Variants in PLA2G5 observed in about 807,000 individuals in gnomAD.
The protein encoded by PLA2G5 is phospholipase A2 group V, also known as Ca2+-dependent phospholipase A2.
Under a neutral mutation model 15.9 loss-of-function variants are expected in PLA2G5, and 12 were observed. That is an observed-to-expected ratio of 0.76 (90% CI 0.48 to 1.23). PLA2G5 has a LOEUF of 1.23. PLA2G5 is among the 50% of genes most tolerant of loss of function. The probability of loss-of-function intolerance (pLI) is 0.00; values close to 1 mark genes in which losing one functional copy is unlikely to be tolerated. For missense variants in PLA2G5, 169 were observed against 177.1 expected, an observed-to-expected ratio of 0.95 and a Z score of 0.26; for synonymous variants, 71 against 71.4, an observed-to-expected ratio of 0.99 and a Z score of 0.03.
chr1:20,034,270 C>T (rs2013125395), intron 1 of PLA2G5, among the ~76,000 whole-genome samples: 1 of 152,074 alleles, frequency 6.6e-6, no homozygotes, highest in Admixed American at 6.5e-5. Context: ...TCTGGAACCC[C>T]TGTGGAAGTC....
chr1:20,065,379 G>A (rs1211093338), upstream of PLA2G5, among the ~76,000 whole-genome samples: 1 of 152,100 alleles, frequency 6.6e-6, no homozygotes, highest in African/African-American at 2.4e-5. Context: ...ATATCCTACA[G>A]AACAGTTTCA....
At chr1:20,040,220 A>G (rs774178583) in intron 1 of PLA2G5, among the ~76,000 whole-genome samples, 1 of 152,146 alleles carries the variant, frequency 6.6e-6, no homozygotes, top group African/African-American at 2.4e-5. Context: ...TGCTATACCC[A>G]GGCACTGTAA....
In PLA2G5 at chr1:20,070,201, G is replaced by T. The variant is rs903506750; in HGVS notation, c.-275G>T. On this transcript the variant is annotated 5_prime_UTR_variant, in exon 1 of 5. Transcript: ENST00000375108. Reference sequence around the variant, plus strand: ...TCCTGCCTCTGCAAAGGCAGTCGGGGGCTGAGCAGGGTTCTACCCGGCTGG... The same window carrying T: ...TCCTGCCTCTGCAAAGGCAGTCGGGTGCTGAGCAGGGTTCTACCCGGCTGG... 1.5e-5 allele frequency: 15 copies of T among 985,390 alleles called. No homozygotes were observed. The highest frequency in any genetic ancestry group is 1.8e-5 in the Non-Finnish European group (15 of 830,004). 61.0% of individuals were successfully genotyped at this position (985,390 alleles called of 1,614,324 possible).
intron 1 of PLA2G5, among the ~76,000 whole-genome samples, chr1:20,057,869 AT>A (rs36003210): frequency 0.37 from 55,759 of 150,752 alleles, 10,711 homozygotes; most frequent in East Asian, 0.61. Flanking sequence ...TCCTCTTGAG[AT>A]TTTTTTTTTG....
At chr1:20,081,068 C>T (rs980175560) in intron 1 of PLA2G5, among the ~76,000 whole-genome samples, 1 of 151,912 alleles carries the variant, frequency 6.6e-6, no homozygotes, top group Non-Finnish European at 1.5e-5. Context: ...TTGGGGGACC[C>T]GTCCCTTGGC....
chr1:20,061,425 CAAAATT>C (rs991441244), intron 2 of PLA2G5, among the ~76,000 whole-genome samples: 4 of 151,568 alleles, frequency 2.6e-5, no homozygotes, highest in African/African-American at 9.7e-5. Context: ...TCTTTAGAAA[CAAAATT>C]AAAAATAAGC....
intron 3 of PLA2G5, 75 bp from the exon 4 acceptor site, chr1:20,089,714 A>G: frequency 8.4e-7 from 1 of 1,183,622 alleles, no homozygotes; most frequent in African/African-American, 1.5e-5. Flanking sequence ...GACATGGTTG[A>G]ATTTTTGCTC....
In PLA2G5 at chr1:20,041,016, C is replaced by G. The variant is rs544926693; in HGVS notation, n.276+12307C>G. 2.0e-5 allele frequency among the ~76,000 whole-genome samples: 3 copies of G among 152,352 alleles called. No individual in the cohort carries two copies. In the East Asian group the frequency reaches 5.8e-4, roughly 29 times the overall value. ...TGTATAAAAACAAACTGTGCTCTGACTACCTTGGGCACATATCATCAGTAC... is the reference window on the plus strand; with the variant it reads ...TGTATAAAAACAAACTGTGCTCTGAGTACCTTGGGCACATATCATCAGTAC... On this transcript the variant is annotated intron_variant and non_coding_transcript_variant, in intron 1 of 6. Transcript: ENST00000460175.
chr1:20,037,752 CT>C (rs2013343831), intron 1 of PLA2G5, among the ~76,000 whole-genome samples: 1 of 152,112 alleles, frequency 6.6e-6, no homozygotes, highest in African/African-American at 2.4e-5. Flanking sequence ...CAAGTTTGCC[CT>C]AAGGTTGCCT....
At chr1:20,058,366 C>G (rs1286100555) in intron 1 of PLA2G5, among the ~76,000 whole-genome samples, 6 of 152,176 alleles carry the variant, frequency 3.9e-5, no homozygotes, top group Non-Finnish European at 8.8e-5. Context: ...ACCTCTTCAT[C>G]ATTATGTAAA....
chr1:20,067,593 C>T (rs1183707098), upstream of PLA2G5, among the ~76,000 whole-genome samples: 1 of 151,978 alleles, frequency 6.6e-6, no homozygotes. Context: ...GAGGCTGAGG[C>T]AGGAGAATTC....
chr1:20,061,233 A>G (rs866915008), intron 2 of PLA2G5, among the ~76,000 whole-genome samples: 19 of 152,232 alleles, frequency 1.2e-4, no homozygotes, highest in Middle Eastern at 3.4e-3. Context: ...TTGTTGCCCC[A>G]GAATAGCCAT....
chr1:20,039,087 G>A (rs773681449), intron 1 of PLA2G5, among the ~76,000 whole-genome samples: 14 of 152,154 alleles, frequency 9.2e-5, no homozygotes, highest in Admixed American at 6.6e-4. Context: ...CCTGAGTCTC[G>A]AGTTACAGGT....
intron 1 of PLA2G5, among the ~76,000 whole-genome samples, chr1:20,033,581 A>T (rs992182362): frequency 2.6e-5 from 4 of 152,174 alleles, no homozygotes; most frequent in African/African-American, 4.8e-5. Flanking sequence ...GGCCACACCC[A>T]ATATTTTTAG....
At chr1:20,034,891 T>C (rs2013163196) in intron 1 of PLA2G5, among the ~76,000 whole-genome samples, 1 of 151,606 alleles carries the variant, frequency 6.6e-6, no homozygotes, top group African/African-American at 2.4e-5. Context: ...TTGGAAGAAA[T>C]AGGGATCTGG....
intron 2 of PLA2G5, among the ~76,000 whole-genome samples, chr1:20,065,066 C>T (rs1425066720): frequency 6.6e-6 from 1 of 152,146 alleles, no homozygotes; most frequent in African/African-American, 2.4e-5. Context: ...AATGAGAATG[C>T]ACGCAATAAC....
chr1:20,064,982 C>A (rs1438467512), intron 2 of PLA2G5, among the ~76,000 whole-genome samples: 2 of 152,066 alleles, frequency 1.3e-5, no homozygotes, highest in Non-Finnish European at 2.9e-5. Context: ...TGCCTGAGAG[C>A]ACCAAAACAT....
At chr1:20,076,536 C>T (rs927226900) in intron 1 of PLA2G5, among the ~76,000 whole-genome samples, 1 of 152,178 alleles carries the variant, frequency 6.6e-6, no homozygotes, top group Admixed American at 6.5e-5. Context: ...ATTCTGGGTC[C>T]TCCTTTTACT....
intron 1 of PLA2G5, 77 bp from the exon 2 acceptor site, chr1:20,084,744 A>G (rs1421819117): frequency 9.8e-6 from 9 of 918,950 alleles, no homozygotes; most frequent in Admixed American, 5.1e-5. Flanking sequence ...GGCCTGGTGG[A>G]GAGCCAGGGT....
Sources: allele counts gnomAD v4.1 joint callset (sites outside exome capture counted in the v4.1 genomes callset), GRCh38; gene constraint gnomAD v4.1.1; transcripts MANE v1.5; gene names NCBI Gene and HGNC (gene_info 2026-07-23, HGNC 2026-07-21).